The following ZFAND6 variants were observed in gnomAD, a reference collection of about 807,000 sequenced individuals.
The protein encoded by ZFAND6 is zinc finger AN1-type containing 6, also known as AN1-type zinc finger protein 6.
A neutral mutation model predicts 24.5 loss-of-function variants in ZFAND6; 12 were observed. That is an observed-to-expected ratio of 0.49 (90% CI 0.31 to 0.79). ZFAND6 has a LOEUF of 0.79. Ranked by LOEUF, ZFAND6 falls within the 30% of genes least tolerant of loss-of-function variation. The pLI, the probability that ZFAND6 is intolerant of heterozygous loss-of-function variation, is 0.04. For missense variants in ZFAND6, 207 were observed against 245.9 expected, an observed-to-expected ratio of 0.84 and a Z score of 1.06; for synonymous variants, 92 against 81.5, an observed-to-expected ratio of 1.13 and a Z score of -0.69.
intron 2 of ZFAND6, among the ~76,000 whole-genome samples, chr15:80,099,084 CA>C (rs2038890293): frequency 6.6e-6 from 1 of 151,982 alleles, no homozygotes; most frequent in Non-Finnish European, 1.5e-5. Context: ...TATCAAAATA[CA>C]AGCACCCTTG....
At chr15:80,083,498 C>T (rs2037805914) in intron 1 of ZFAND6, among the ~76,000 whole-genome samples, 1 of 152,114 alleles carries the variant, frequency 6.6e-6, no homozygotes, top group African/African-American at 2.4e-5. Flanking sequence ...TCAGAGAAGA[C>T]TGTAAAGTGG....
At chr15:80,122,082 T>C (rs1430306168) in intron 4 of ZFAND6, among the ~76,000 whole-genome samples, 1 of 152,256 alleles carries the variant, frequency 6.6e-6, no homozygotes, top group South Asian at 2.1e-4. Flanking sequence ...CTGAAGTCCT[T>C]TGGAAGCATG....
chr15:80,108,170 C>A (rs950184459), intron 2 of ZFAND6, among the ~76,000 whole-genome samples: 2 of 152,138 alleles, frequency 1.3e-5, no homozygotes, highest in Admixed American at 1.3e-4. Flanking sequence ...AGCAAGTTTT[C>A]TTCTGTAAAA....
intron 5 of ZFAND6, among the ~76,000 whole-genome samples, chr15:80,125,026 C>T (rs1001887729): frequency 1.6e-4 from 24 of 152,234 alleles, no homozygotes; most frequent in Non-Finnish European, 2.8e-4. Flanking sequence ...CATGCAATTA[C>T]GATTTCCCTA....
At chr15:80,082,264 ACTAT>A (rs755441735) in intron 1 of ZFAND6, among the ~76,000 whole-genome samples, 2 of 152,214 alleles carry the variant, frequency 1.3e-5, no homozygotes, top group Non-Finnish European at 2.9e-5. Context: ...CATATTGGAC[ACTAT>A]CAGACACATT....
intron 1 of ZFAND6, among the ~76,000 whole-genome samples, chr15:80,083,676 A>T (rs571902673): frequency 6.6e-6 from 1 of 152,174 alleles, no homozygotes; most frequent in Non-Finnish European, 1.5e-5. Context: ...CAGGAAGCCA[A>T]TGTCAGGAGT....
chr15:80,129,861 G>GA (rs1232664655), intron 5 of ZFAND6: 1 of 152,236 alleles, frequency 6.6e-6, no homozygotes, highest in Non-Finnish European at 1.5e-5. Context: ...GAGGGGCATA[G>GA]AAAGAGTATT....
intron 1 of ZFAND6, among the ~76,000 whole-genome samples, chr15:80,080,588 G>A (rs1029283657): frequency 2.6e-5 from 4 of 152,240 alleles, no homozygotes; most frequent in Middle Eastern, 3.4e-3. Context: ...TTGATCTCAG[G>A]TAACTGAAAC....
rs79055762 is a variant in ZFAND6 at position 80,092,522 on chromosome 15, A to G, written c.-180-5894A>G. Among the ~76,000 whole-genome samples, 14 of 152,242 alleles carry G rather than the reference A, an allele frequency of 9.2e-5. No individual in the cohort carries two copies. In the East Asian group the frequency reaches 1.4e-3, roughly 15 times the overall value. The stretch of plus-strand genomic sequence containing the variant: ...AACATATCAGTTATTCATTGTTAAC[A>G]TGTTTTATTAGAGGGGTAGTAACGT... On this transcript the variant is annotated intron_variant, in intron 1 of 6. Transcript: ENST00000261749.
chr15:80,121,997 C>G (rs888938870), intron 4 of ZFAND6, among the ~76,000 whole-genome samples, 177 bp downstream of exon 4: 4 of 152,072 alleles, frequency 2.6e-5, no homozygotes, highest in Admixed American at 2.0e-4. Flanking sequence ...CTTGAGGGAT[C>G]GGGGGTTATC....
At chr15:80,072,268 T>G (rs1020987188) in intron 1 of ZFAND6, among the ~76,000 whole-genome samples, 3 of 152,132 alleles carry the variant, frequency 2.0e-5, no homozygotes, top group African/African-American at 7.2e-5. Context: ...GCATTGTATT[T>G]TAAACAATTG....
At chr15:80,131,407 A>C (rs779416416) in intron 6 of ZFAND6, 114 bp downstream of exon 6, 41 of 794,844 alleles carry the variant, frequency 5.2e-5, no homozygotes, top group Non-Finnish European at 7.8e-5. Context: ...TTAATATTGG[A>C]TATACTTCAC....
At chr15:80,092,099 C>T (rs1018960866) in intron 1 of ZFAND6, among the ~76,000 whole-genome samples, 6 of 152,050 alleles carry the variant, frequency 3.9e-5, no homozygotes, top group Middle Eastern at 3.4e-3. Context: ...GTCCCACTTG[C>T]AATGGATAGT....
intron 1 of ZFAND6, among the ~76,000 whole-genome samples, chr15:80,084,276 T>C (rs749697035): frequency 2.0e-4 from 31 of 152,344 alleles, no homozygotes; most frequent in Non-Finnish European, 2.4e-4. Flanking sequence ...ACTCCAAGAT[T>C]GGAAATTTTC....
At chr15:80,105,183 G>T (rs557044517) in intron 2 of ZFAND6, among the ~76,000 whole-genome samples, 1 of 152,164 alleles carries the variant, frequency 6.6e-6, no homozygotes, top group Non-Finnish European at 1.5e-5. Context: ...AATATTGAGC[G>T]TAAGCACATA....
intron 2 of ZFAND6, among the ~76,000 whole-genome samples, chr15:80,099,245 G>A (rs2038900553): frequency 6.6e-6 from 1 of 151,998 alleles, no homozygotes; most frequent in South Asian, 2.1e-4. Flanking sequence ...ATGGTAGGGT[G>A]GTGTCTGGTT....
intron 2 of ZFAND6, chr15:80,111,281 A>G (rs1390041328): frequency 3.1e-6 from 1 of 318,900 alleles, no homozygotes; most frequent in Non-Finnish European, 6.3e-6. Context: ...ATGAACATAT[A>G]TCAGTCATCC....
intron 5 of ZFAND6, among the ~76,000 whole-genome samples, chr15:80,126,747 A>G (rs927825680): frequency 6.6e-6 from 1 of 152,232 alleles, no homozygotes; most frequent in African/African-American, 2.4e-5. Context: ...TAGATATGAC[A>G]CCTTAACCAC....
At chr15:80,134,370 A>G (rs2040760306) in intron 6 of ZFAND6, among the ~76,000 whole-genome samples, 1 of 152,168 alleles carries the variant, frequency 6.6e-6, no homozygotes. Context: ...GAAGTGATAA[A>G]TGCTTGCTCC....
Sources: gnomAD v4.1 joint callset for allele counts (sites outside exome capture counted in the v4.1 genomes callset) on GRCh38, gnomAD v4.1.1 for gene constraint, MANE v1.5 for transcripts, NCBI Gene and HGNC (gene_info 2026-07-23, HGNC 2026-07-21) for gene names.